Variants in PIEZO2 observed in about 807,000 individuals in gnomAD.
PIEZO2 encodes the protein piezo-type mechanosensitive ion channel component 2.
PIEZO2 carries 172 observed loss-of-function variants against 337.3 expected under a neutral mutation model. The observed-to-expected ratio is 0.51, with a 90% CI of 0.45 to 0.58. The LOEUF (loss-of-function observed/expected upper bound fraction) is 0.58. Among genes scored for constraint, PIEZO2 ranks in the 20% least tolerant of loss-of-function variants. The pLI is 0.00. For missense variants in PIEZO2, 3,028 were observed against 3,391.3 expected, an observed-to-expected ratio of 0.89 and a Z score of 2.66; for synonymous variants, 1,251 against 1,228.5, an observed-to-expected ratio of 1.02 and a Z score of -0.38.
Position 11,069,676 on chromosome 18 carries a change from A to T in PIEZO2, c.65-3454T>A, listed in dbSNP as rs1269249660. Among the ~76,000 whole-genome samples, 1 of 152,232 alleles carries T rather than the reference A, an allele frequency of 6.6e-6. No homozygotes were observed. Among genetic ancestry groups the T allele is most frequent in the Non-Finnish European group, 1.5e-5 (1 of 68,044 alleles). ...ATGTGGTACGGGAAGTCCTAGGCAG[A>T]GGAATTAGGCAAGAAAAAGAAATCA... On this transcript the variant is annotated intron_variant, in intron 1 of 55. Coordinates refer to ENST00000674853, the MANE Select transcript of PIEZO2 (RefSeq NM_001378183.1). This position sits in a 1 kb window ranked among gnomAD's most constrained non-coding sequence, Gnocchi z 4.9.
intron 3 of PIEZO2, among the ~76,000 whole-genome samples, chr18:10,946,825 T>A (rs1048597811): frequency 2.6e-5 from 4 of 152,014 alleles, no homozygotes; most frequent in African/African-American, 9.7e-5. Flanking sequence ...AAATCACTCA[T>A]CCTAACTAGA....
At chr18:10,686,424 G>A (rs1349613713) in intron 49 of PIEZO2, among the ~76,000 whole-genome samples, 2 of 152,206 alleles carry the variant, frequency 1.3e-5, no homozygotes, top group African/African-American at 2.4e-5. Context: ...AAGCTCCAGA[G>A]AGTCAGAGAC....
intron 1 of PIEZO2, among the ~76,000 whole-genome samples, chr18:11,140,675 A>G (rs1285890935): frequency 6.6e-6 from 1 of 152,184 alleles, no homozygotes; most frequent in Non-Finnish European, 1.5e-5. Flanking sequence ...AGGTACCTTC[A>G]ACCACAGGAG....
chr18:10,947,136 T>C (rs746250381), intron 3 of PIEZO2, among the ~76,000 whole-genome samples: 5 of 151,436 alleles, frequency 3.3e-5, no homozygotes, highest in Non-Finnish European at 7.4e-5. Flanking sequence ...ATAGAATAAA[T>C]ATGATGAACT....
intron 3 of PIEZO2, among the ~76,000 whole-genome samples, chr18:10,931,009 G>A (rs264259): frequency 0.63 from 96,118 of 151,854 alleles, 30,973 homozygotes; most frequent in African/African-American, 0.75. Context: ...TTTTATATTT[G>A]CTATTCTAGA....
chr18:10,849,751 A>G (rs1034511997), intron 7 of PIEZO2, among the ~76,000 whole-genome samples: 2 of 152,228 alleles, frequency 1.3e-5, no homozygotes, highest in African/African-American at 2.4e-5. Flanking sequence ...GAAATTCCCT[A>G]TGAAAATACA....
At chr18:11,114,662 C>A (rs1333707246) in intron 1 of PIEZO2, among the ~76,000 whole-genome samples, 2 of 137,492 alleles carry the variant, frequency 1.5e-5, no homozygotes, top group African/African-American at 5.0e-5. Flanking sequence ...GAGACTCTGT[C>A]TTAAACAAAA....
chr18:10,711,985 GAACA>G (rs35164330), intron 39 of PIEZO2, among the ~76,000 whole-genome samples: 88,385 of 151,712 alleles, frequency 0.58, 25,787 homozygotes, highest in African/African-American at 0.61. Flanking sequence ...AAAAATAAAT[GAACA>G]AACAAATAAA....
chr18:11,136,775 T>C (rs1017277417), intron 1 of PIEZO2, among the ~76,000 whole-genome samples: 3 of 152,144 alleles, frequency 2.0e-5, no homozygotes, highest in African/African-American at 7.2e-5. Context: ...CTGAGGTGTT[T>C]GTGCAGCCTA....
intron 27 of PIEZO2, among the ~76,000 whole-genome samples, chr18:10,755,749 G>A (rs918706958): frequency 4.2e-4 from 64 of 152,182 alleles, no homozygotes; most frequent in African/African-American, 1.3e-3. Context: ...CTCAGGAAGA[G>A]CACAGGCACA....
chr18:10,950,411 C>G (rs974762107), intron 3 of PIEZO2, among the ~76,000 whole-genome samples: 1 of 152,146 alleles, frequency 6.6e-6, no homozygotes, highest in African/African-American at 2.4e-5. Flanking sequence ...AAAACACATG[C>G]TTGAAGGACA....
chr18:11,007,944 T>C lies in PIEZO2; in HGVS notation c.161-28284A>G, dbSNP rs376602878. Among the ~76,000 whole-genome samples, 16 of 152,222 alleles carry C rather than the reference T, an allele frequency of 1.1e-4. No homozygotes were observed. The South Asian group carries it at 2.5e-3, about 24-fold the overall frequency. ...AAGAAGAGCACAGAAATGACAAATA[T>C]GTGAATAAATATAAAACATGCGCCC... On this transcript the variant is annotated intron_variant, in intron 2 of 55. Transcript: ENST00000674853.
chr18:10,996,288 T>G (rs2041100407), intron 2 of PIEZO2, among the ~76,000 whole-genome samples: 1 of 152,228 alleles, frequency 6.6e-6, no homozygotes, highest in African/African-American at 2.4e-5. Flanking sequence ...TATAAACAAG[T>G]AGGTTTTATT....
rs1049150846 is a variant in PIEZO2, at chr18:11,021,094, C to A, written c.161-41434G>T. Among the ~76,000 whole-genome samples the A allele has an allele frequency of 6.6e-6, 1 of 152,208 alleles. No individual in the cohort carries two copies. The highest frequency in any genetic ancestry group is 2.4e-5 in the African/African-American group (1 of 41,458). On this transcript the variant is annotated intron_variant, in intron 2 of 55. Transcript: ENST00000674853. This position sits in a 1 kb window ranked among gnomAD's most constrained non-coding sequence, Gnocchi z 4.7. ...TTGTCTGGAGCTAGGAAGACGGATG[C>A]AAACTCCAGGGGCCTCACAGGCCTG...
chr18:11,011,125 A>C (rs2660273), intron 2 of PIEZO2, among the ~76,000 whole-genome samples: 81,650 of 152,058 alleles, frequency 0.54, 22,204 homozygotes, highest in African/African-American at 0.6. Flanking sequence ...AGCCTCCTAA[A>C]GACTGCAATG....
chr18:10,689,865 C>G (rs2034724693), intron 48 of PIEZO2, 63 bp from the exon 49 acceptor site: 2 of 1,544,058 alleles, frequency 1.3e-6, no homozygotes, highest in Non-Finnish European at 1.7e-6. Flanking sequence ...CCTGCTCACC[C>G]AGGAGCTCAA....
rs2041919748 is a variant in PIEZO2 at position 10,863,162 on chromosome 18, C to T, written c.493-5951G>A. Among the ~76,000 whole-genome samples, 1 of 152,106 alleles carries T rather than the reference C, an allele frequency of 6.6e-6. No individual in the cohort carries two copies. Among genetic ancestry groups the T allele is most frequent in the Non-Finnish European group, 1.5e-5 (1 of 68,022 alleles). On this transcript the variant is annotated intron_variant, in intron 5 of 55. Transcript: ENST00000674853. The surrounding 1 kb of genome is among the most constrained non-coding windows in gnomAD (Gnocchi z 4.3). ...TTATTATTAAAAGTTAACAATTTATCTTAACAGAATGGGTTCATCTCAATA... is the reference window on the plus strand; with the variant it reads ...TTATTATTAAAAGTTAACAATTTATTTTAACAGAATGGGTTCATCTCAATA...
At chr18:11,089,692 A>G (rs1193782300) in intron 1 of PIEZO2, among the ~76,000 whole-genome samples, 1 of 152,140 alleles carries the variant, frequency 6.6e-6, no homozygotes, top group Non-Finnish European at 1.5e-5. Flanking sequence ...GTTGACAGAC[A>G]GAGTGTCCAT....
At chr18:10,780,762 A>G (rs1423390968) in intron 17 of PIEZO2, among the ~76,000 whole-genome samples, 1 of 148,716 alleles carries the variant, frequency 6.7e-6, no homozygotes, top group African/African-American at 2.5e-5. Context: ...TCCTGGGTTC[A>G]AGTGATTCTC....
Sources: gnomAD v4.1 joint callset for allele counts (sites outside exome capture counted in the v4.1 genomes callset) on GRCh38, gnomAD v4.1.1 for gene constraint, Gnocchi (gnomAD v3.1) non-coding constraint, MANE v1.5 for transcripts, NCBI Gene and HGNC (gene_info 2026-07-23, HGNC 2026-07-21) for gene names.